The following PJA2 variants were observed in gnomAD, a reference collection of about 807,000 sequenced individuals.
PJA2 encodes E3 ubiquitin-protein ligase Praja-2.
Under a neutral mutation model 69.3 loss-of-function variants are expected in PJA2, and 25 were observed. The observed-to-expected ratio is 0.36, with a 90% CI of 0.26 to 0.50. PJA2 has a LOEUF of 0.50. PJA2 is among the 20% of genes least tolerant of loss of function. The pLI, the probability that PJA2 is intolerant of heterozygous loss-of-function variation, is 0.96. For missense variants in PJA2, 809 were observed against 830.2 expected (o/e 0.97, Z 0.31); for synonymous variants, 308 against 277.8 (o/e 1.11, Z -1.08).
intron 3 of PJA2, among the ~76,000 whole-genome samples, 190 bp downstream of exon 3, chr5:109,381,313 T>G (rs1246596314): frequency 6.6e-6 from 1 of 152,182 alleles, no homozygotes; most frequent in Non-Finnish European, 1.5e-5. Context: ...GTATTCTATT[T>G]TCTTCTACAA....
At chr5:109,342,463 G>T (rs1762088419) in intron 9 of PJA2, among the ~76,000 whole-genome samples, 1 of 138,106 alleles carries the variant, frequency 7.2e-6, no homozygotes, top group African/African-American at 2.8e-5. Flanking sequence ...CGCCCCGTCC[G>T]GGAGGGAGGT....
At chr5:109,399,014 C>G (rs891379928) in intron 1 of PJA2, among the ~76,000 whole-genome samples, 1 of 152,006 alleles carries the variant, frequency 6.6e-6, no homozygotes, top group Non-Finnish European at 1.5e-5. Context: ...GAGTTCGAGA[C>G]CAGCCTGGCC....
At chr5:109,360,962 T>C (rs1049128951) in intron 6 of PJA2, among the ~76,000 whole-genome samples, 6 of 152,038 alleles carry the variant, frequency 3.9e-5, no homozygotes, top group African/African-American at 1.4e-4. Flanking sequence ...ACCCTGTCTG[T>C]ACTGAAAATA....
At chr5:109,397,086 A>G (rs1201658301) in intron 1 of PJA2, among the ~76,000 whole-genome samples, 1 of 152,180 alleles carries the variant, frequency 6.6e-6, no homozygotes, top group African/African-American at 2.4e-5. Flanking sequence ...GGGGGAAACT[A>G]CTTAGCCCTT....
intron 5 of PJA2, among the ~76,000 whole-genome samples, chr5:109,367,031 C>G (rs1334136600): frequency 6.6e-6 from 1 of 151,490 alleles, no homozygotes; most frequent in Non-Finnish European, 1.5e-5. Flanking sequence ...ACTCAGGAGG[C>G]TGAGGCAGGA....
chr5:109,386,676 T>C (rs1747166048), intron 1 of PJA2, among the ~76,000 whole-genome samples: 1 of 152,074 alleles, frequency 6.6e-6, no homozygotes, highest in Non-Finnish European at 1.5e-5. Flanking sequence ...TGGAAGATCC[T>C]CAAATAATGG....
rs915408544 is a variant in PJA2, at chr5:109,334,983, TA to T, written c.*2247del. ...CATATTATAAGAAATAAGAAAATGT[TA>T]AAAAAATAAAATTAGGTTAAGTCAC... is the stretch of plus-strand genomic sequence containing the variant. On this transcript the variant is annotated 3_prime_UTR_variant, in exon 10 of 10. Coordinates refer to ENST00000361189, the MANE Select transcript of PJA2 (RefSeq NM_014819.5). 1 of 152,510 alleles carries T rather than the reference TA, an allele frequency of 6.6e-6. No homozygotes were observed. Among genetic ancestry groups the T allele is most frequent in the African/African-American group, 2.4e-5 (1 of 41,426 alleles). The allele number at this position is 152,510 out of a possible 1,614,324, so 9.4% of individuals were successfully genotyped here.
chr5:109,343,291 AAGAAAG>A lies in PJA2; in HGVS notation c.2001+893_2001+898del, dbSNP rs1331774184. Among the ~76,000 whole-genome samples, 204 of 28,522 alleles carry A rather than the reference AAGAAAG, an allele frequency of 7.2e-3. 4 individuals are homozygous for A. The highest frequency in any genetic ancestry group is 0.031 in the Middle Eastern group (1 of 32). The allele number at this position is 28,522 out of a possible 152,430, so 18.7% of individuals were successfully genotyped here. ...GGCGGTGCAAAAAAAAAAAAAAAAAAAGAAAGAAAGAAAGAAAGAAAAAAAGAAAAT... is the reference window on the plus strand; with the variant it reads ...GGCGGTGCAAAAAAAAAAAAAAAAAAAAAGAAAGAAAGAAAAAAAGAAAAT... On this transcript the variant is annotated intron_variant, in intron 9 of 9. Transcript: ENST00000361189.
chr5:109,368,869 C>T (rs1173581809), intron 4 of PJA2, 123 bp from the exon 5 acceptor site: 6 of 1,037,568 alleles, frequency 5.8e-6, no homozygotes, highest in Non-Finnish European at 8.2e-6. Context: ...AACTGTAATC[C>T]AAAATGTTGG....
intron 9 of PJA2, among the ~76,000 whole-genome samples, chr5:109,343,309 GAAAA>G (rs1561340276): frequency 4.3e-5 from 1 of 23,502 alleles, no homozygotes; most frequent in Non-Finnish European, 8.4e-5. Context: ...AAGAAAGAAA[GAAAA>G]AAAGAAAATA....
Position 109,399,400 on chromosome 5 carries a change from G to A in PJA2, c.-88+10442C>T, listed in dbSNP as rs370740659. Among the ~76,000 whole-genome samples the A allele has an allele frequency of 9.9e-5, 15 of 152,178 alleles. No homozygotes were observed. The East Asian group carries it at 2.5e-3, about 25-fold the overall frequency. The stretch of plus-strand genomic sequence containing the variant: ...TCAAGAAACAACAGTCTACTGCTGG[G>A]GATAATGACAGTGTGTGGAGAAACT... On this transcript the variant is annotated intron_variant, in intron 1 of 9. Coordinates refer to ENST00000361189, the MANE Select transcript of PJA2 (RefSeq NM_014819.5).
At chr5:109,366,968 C>T (rs1018914482) in intron 5 of PJA2, among the ~76,000 whole-genome samples, 1 of 151,804 alleles carries the variant, frequency 6.6e-6, no homozygotes, top group Admixed American at 6.6e-5. Flanking sequence ...CCCATCTCTA[C>T]TAAATATACA....
At chr5:109,345,513 CAAAAAAAAAA>C (rs531364060) in intron 7 of PJA2, among the ~76,000 whole-genome samples, 1 of 91,818 alleles carries the variant, frequency 1.1e-5, no homozygotes, top group African/African-American at 4.2e-5. Flanking sequence ...GACTCTGTCT[CAAAAAAAAAA>C]AAAAAAAAAA....
chr5:109,350,146 T>A (rs1274915660), intron 7 of PJA2, among the ~76,000 whole-genome samples: 2 of 152,212 alleles, frequency 1.3e-5, no homozygotes, highest in African/African-American at 4.8e-5. Flanking sequence ...TTTGCAGTGC[T>A]AGTAACACCT....
intron 6 of PJA2, among the ~76,000 whole-genome samples, chr5:109,358,576 T>C (rs1762456862): frequency 6.6e-6 from 1 of 152,168 alleles, no homozygotes; most frequent in Non-Finnish European, 1.5e-5. Context: ...CCCAGCACTT[T>C]GGGAGGCCGA....
intron 1 of PJA2, among the ~76,000 whole-genome samples, chr5:109,387,432 G>A (rs1747184192): frequency 1.3e-5 from 2 of 152,118 alleles, no homozygotes; most frequent in African/African-American, 4.8e-5. Flanking sequence ...TTGTAGCTAA[G>A]GTAAATTGGG....
rs1040746569 is a variant in PJA2, at chr5:109,368,698, A to C, written c.1332T>G (p.Phe444Leu). 1 of 1,614,114 alleles carries C rather than the reference A, an allele frequency of 6.2e-7. No individual in the cohort carries two copies. The highest frequency in any genetic ancestry group is 8.5e-7 in the Non-Finnish European group (1 of 1,180,016). Reference sequence around the variant, plus strand: ...AGGATTGATCTTTTTCTGTACCAGAAAATCGATGAGGCAAAGAAGCAGACC... The same window carrying C: ...AGGATTGATCTTTTTCTGTACCAGACAATCGATGAGGCAAAGAAGCAGACC... ...GEWSASLPHR[F>L]SGTEKDQSSS... The change falls in exon 5 of 10, where the codon TTT becomes TTG. Residue 444 changes from phenylalanine (F) to leucine (L), a missense_variant. This residue lies in a region of PJA2 where 700 missense variants were observed against 639.5 expected (regional missense o/e 1.09). Coordinates refer to ENST00000361189, the MANE Select transcript of PJA2 (RefSeq NM_014819.5).
chr5:109,354,001 A>G (rs533532454), intron 7 of PJA2, among the ~76,000 whole-genome samples: 11 of 143,950 alleles, frequency 7.6e-5, no homozygotes, highest in Admixed American at 2.7e-4. Flanking sequence ...ATATCTAGAG[A>G]TATCTATAGA....
Position 109,337,302 on chromosome 5 carries a change from A to G in PJA2, c.2056T>C (p.Ser686Pro). The G allele has an allele frequency of 6.2e-7, 1 of 1,613,614 alleles. No individual in the cohort carries two copies. Among genetic ancestry groups the G allele is most frequent in the Non-Finnish European group, 8.5e-7 (1 of 1,179,808 alleles). Reference sequence around the variant, plus strand: ...TCAGGCTCAGAGGAAGGAGCTGCAGATGCTTCAATAACCGCAGGTGGGAAA... The same window carrying G: ...TCAGGCTCAGAGGAAGGAGCTGCAGGTGCTTCAATAACCGCAGGTGGGAAA... ...RHFPPAVIEA[S>P]AAPSSEPDPD... is the part of the protein sequence containing the mutation. Residue 686 changes from serine to proline, a missense_variant, in exon 10 of 10, where the codon TCT (serine) becomes CCT (proline). Physicochemically the swap from Ser to Pro is moderately conservative, Grantham distance 74. This residue lies in a region of PJA2 where 35 missense variants were observed against 37.0 expected (regional missense o/e 0.94). Coordinates refer to ENST00000361189, the MANE Select transcript of PJA2 (RefSeq NM_014819.5).
Sources: allele counts gnomAD v4.1 joint callset (sites outside exome capture counted in the v4.1 genomes callset), GRCh38; gene constraint gnomAD v4.1.1; regional missense constraint gnomAD v4.1.1; transcripts MANE v1.5; gene names NCBI Gene and HGNC (gene_info 2026-07-23, HGNC 2026-07-21).